ERICH1: variants seen among roughly 807,000 people sequenced by gnomAD.
ERICH1 encodes the protein glutamate rich 1, also known as glutamate-rich protein 1.
ERICH1 carries 56 observed loss-of-function variants against 39.6 expected under a neutral mutation model. The observed-to-expected ratio is 1.41, with a 90% confidence interval of 1.14 to 1.77. The LOEUF (loss-of-function observed/expected upper bound fraction) is 1.77, where lower values mean the gene tolerates loss of function less well. Among genes scored for constraint, ERICH1 ranks in the 40% most tolerant of loss-of-function variants. The pLI is 0.00. For missense variants in ERICH1, 826 were observed against 575.4 expected (o/e 1.44, Z -4.45); for synonymous variants, 313 against 223.6 (o/e 1.40, Z -3.57).
chr8:674,059 A>T lies in ERICH1; in HGVS notation c.305-12T>A, dbSNP rs1804095114. 2.0e-6 allele frequency: 3 copies of T among 1,522,084 alleles called. No individual in the cohort carries two copies. Among genetic ancestry groups the T allele is most frequent in the Non-Finnish European group, 1.7e-6 (2 of 1,149,042 alleles). The allele number at this position is 1,522,084 out of a possible 1,614,324, so 94.3% of individuals were successfully genotyped here. On this transcript the variant is annotated splice_polypyrimidine_tract_variant and intron_variant, in intron 3 of 5. Coordinates refer to ENST00000262109, the MANE Select transcript of ERICH1 (RefSeq NM_207332.3). ...ATGAGGATCCTGATCTGTTAAAAAA[A>T]TTCAAATATAACAATTTTCAGTACA... is the stretch of plus-strand genomic sequence containing the variant.
At chr8:702,333 G>A (rs993541188) in intron 2 of ERICH1, among the ~76,000 whole-genome samples, 3 of 152,088 alleles carry the variant, frequency 2.0e-5, no homozygotes, top group Non-Finnish European at 2.9e-5. Context: ...GGAGAAACAA[G>A]AACGCCGGCG....
intron 3 of ERICH1, among the ~76,000 whole-genome samples, chr8:677,757 G>T (rs908324897): frequency 6.6e-6 from 1 of 152,318 alleles, no homozygotes; most frequent in African/African-American, 2.4e-5. Context: ...TGAATTTGGA[G>T]ATAAGTAACA....
In ERICH1 at chr8:684,887, C is replaced by T. The variant is rs1412026375; in HGVS notation, c.304+7591G>A. ...TGGGTCACAGAGATCACATGCTTCACGGGCAATAAAATATCACAAGGCAAA... is the reference window on the plus strand; with the variant it reads ...TGGGTCACAGAGATCACATGCTTCATGGGCAATAAAATATCACAAGGCAAA... On this transcript the variant is annotated intron_variant, in intron 3 of 5. Coordinates refer to ENST00000262109, the MANE Select transcript of ERICH1 (RefSeq NM_207332.3). Among the ~76,000 whole-genome samples, 10 of 152,220 alleles carry T rather than the reference C, an allele frequency of 6.6e-5. No homozygotes were observed. In the East Asian group the frequency reaches 1.2e-3, roughly 18 times the overall value.
intron 2 of ERICH1, among the ~76,000 whole-genome samples, chr8:710,379 G>A (rs540537055): frequency 4.7e-5 from 7 of 150,314 alleles, no homozygotes; most frequent in East Asian, 2.0e-4. Context: ...CGGTTTCACC[G>A]TCCTGCAAGT....
intron 3 of ERICH1, among the ~76,000 whole-genome samples, chr8:646,007 C>T (rs1487199943): frequency 1.4e-5 from 1 of 70,032 alleles, no homozygotes; most frequent in African/African-American, 3.6e-5. Flanking sequence ...GTCTCCAACA[C>T]GCAGTTACTC....
intron 4 of ERICH1, 140 bp from the exon 5 acceptor site, chr8:668,932 G>C (rs73670365): frequency 5.2e-6 from 4 of 762,978 alleles, no homozygotes; most frequent in Non-Finnish European, 8.2e-6. Flanking sequence ...GAAGCTACCA[G>C]AAGAGAGAAT....
At chr8:721,177 G>A (rs1048965563) in intron 1 of ERICH1, among the ~76,000 whole-genome samples, 4 of 152,094 alleles carry the variant, frequency 2.6e-5, no homozygotes, top group Admixed American at 2.6e-4. Flanking sequence ...AAATATCCAG[G>A]TATCTAAAAA....
intron 2 of ERICH1, among the ~76,000 whole-genome samples, chr8:713,353 G>A (rs530915858): frequency 1.2e-4 from 19 of 152,326 alleles, no homozygotes; most frequent in African/African-American, 4.6e-4. Context: ...ATGTGCAAAA[G>A]CAGTCATTTA....
At chr8:728,098 A>C (rs1206666498) in intron 1 of ERICH1, among the ~76,000 whole-genome samples, 1 of 152,170 alleles carries the variant, frequency 6.6e-6, no homozygotes, top group Non-Finnish European at 1.5e-5. Flanking sequence ...GTCTCTGCCA[A>C]GCAAACCCCA....
intron 1 of ERICH1, among the ~76,000 whole-genome samples, chr8:729,019 TG>T (rs758354379): frequency 5.3e-5 from 8 of 152,084 alleles, no homozygotes; most frequent in Non-Finnish European, 1.0e-4. Context: ...GGGGAGAGTA[TG>T]GGCCCCTGGA....
intron 2 of ERICH1, among the ~76,000 whole-genome samples, chr8:713,189 G>A (rs1815151360): frequency 6.6e-6 from 1 of 152,204 alleles, no homozygotes; most frequent in Non-Finnish European, 1.5e-5. Flanking sequence ...CGACTTCATT[G>A]ACCCTTAATC....
chr8:631,890 T>C (rs530376069), intron 3 of ERICH1, among the ~76,000 whole-genome samples: 6 of 152,206 alleles, frequency 3.9e-5, no homozygotes, highest in East Asian at 3.9e-4. Flanking sequence ...AATGCTGTAC[T>C]TGTTTCTAGA....
rs1801864396 is a variant in ERICH1, at chr8:664,308, TTTAAC to T, written c.*290_*294del. 1.9e-6 allele frequency: 2 copies of T among 1,062,172 alleles called. No homozygotes were observed. Among genetic ancestry groups the T allele is most frequent in the African/African-American group, 1.7e-5 (1 of 60,202 alleles). 65.8% of individuals were successfully genotyped at this position (1,062,172 alleles called of 1,614,324 possible). Reference sequence around the variant, plus strand: ...AAATATATGAGCTTCAAACTATACATTTAACTTAACAGAATGTCCATTTTCAATTT... The same window carrying T: ...AAATATATGAGCTTCAAACTATACATTTAACAGAATGTCCATTTTCAATTT... On this transcript the variant is annotated 3_prime_UTR_variant, in exon 6 of 6. Coordinates refer to ENST00000262109, the MANE Select transcript of ERICH1 (RefSeq NM_207332.3).
At chr8:678,250 C>T (rs1355437770) in intron 3 of ERICH1, among the ~76,000 whole-genome samples, 1 of 152,180 alleles carries the variant, frequency 6.6e-6, no homozygotes, top group African/African-American at 2.4e-5. Flanking sequence ...CCCAATTTCT[C>T]TGATTTCCAA....
chr8:715,878 T>A lies in ERICH1; in HGVS notation c.152A>T (p.His51Leu). The change falls in exon 2 of 6, where the codon CAT becomes CTT. Residue 51 changes from histidine to leucine, a missense_variant. Coordinates refer to ENST00000262109, the MANE Select transcript of ERICH1 (RefSeq NM_207332.3). ...AAACTCACCTGTCAAAGGCTCAGCA[T>A]GTTTCTGGCTCACTTTCTCAGAGGT... is the stretch of plus-strand genomic sequence containing the variant. Reference protein sequence around the residue: ...KVTSEKVSQKHAEPLTDTGSE... With the variant: ...KVTSEKVSQKLAEPLTDTGSE... 1 of 1,613,348 alleles carries A rather than the reference T, an allele frequency of 6.2e-7. No individual in the cohort carries two copies. Among genetic ancestry groups the A allele is most frequent in the African/African-American group, 1.3e-5 (1 of 74,964 alleles).
chr8:688,397 C>G (rs1423531053), intron 3 of ERICH1, among the ~76,000 whole-genome samples: 3 of 135,580 alleles, frequency 2.2e-5, no homozygotes, highest in Admixed American at 1.5e-4. Flanking sequence ...GCTCCAGAGG[C>G]GCCCAGGCTC....
chr8:671,402 T>C (rs1349854561), intron 4 of ERICH1, among the ~76,000 whole-genome samples: 15 of 121,166 alleles, frequency 1.2e-4, no homozygotes, highest in South Asian at 3.0e-4. Flanking sequence ...CTCACTGGGC[T>C]CCAGGCTGAG....
intron 2 of ERICH1, among the ~76,000 whole-genome samples, chr8:694,631 C>T (rs1046740546): frequency 1.3e-5 from 2 of 152,234 alleles, no homozygotes; most frequent in African/African-American, 4.8e-5. Context: ...GTCACAGGCA[C>T]CACGCAGACA....
At chr8:648,371 C>T (rs1283374427) in intron 3 of ERICH1, among the ~76,000 whole-genome samples, 2 of 66,532 alleles carry the variant, frequency 3.0e-5, no homozygotes, top group Admixed American at 2.6e-4. Flanking sequence ...AGGCCCACGG[C>T]AAGGATGCTG....
Sources: allele counts gnomAD v4.1 joint callset (sites outside exome capture counted in the v4.1 genomes callset), GRCh38; gene constraint gnomAD v4.1.1; transcripts MANE v1.5; gene names NCBI Gene and HGNC (gene_info 2026-07-23, HGNC 2026-07-21).